Variants in CSRNP2 observed in about 807,000 individuals in gnomAD.
The protein encoded by CSRNP2 is cysteine/serine-rich nuclear protein 2.
In CSRNP2, 11 loss-of-function variants were observed where a neutral mutation model predicts 36.6. That is an observed-to-expected ratio of 0.30 (90% CI 0.19 to 0.50). CSRNP2 has a LOEUF of 0.50. CSRNP2 is among the 20% of genes least tolerant of loss of function. The pLI, the probability that CSRNP2 is intolerant of heterozygous loss-of-function variation, is 0.98. For missense variants in CSRNP2, 483 were observed against 691.4 expected (o/e 0.70, Z 3.38); for synonymous variants, 248 against 275.3 (o/e 0.90, Z 0.98).
At chr12:51,066,359 A>G (rs993180976) in intron 4 of CSRNP2, among the ~76,000 whole-genome samples, 4 of 151,294 alleles carry the variant, frequency 2.6e-5, no homozygotes, top group Middle Eastern at 3.4e-3. Context: ...AGGCTGAGGC[A>G]GGAGAATTGC....
In CSRNP2 at chr12:51,066,713, G is replaced by A. The variant is rs1405844284; in HGVS notation, c.708+960C>T. 2.6e-5 allele frequency among the ~76,000 whole-genome samples: 4 copies of A among 151,810 alleles called. No homozygotes were observed. In the East Asian group the frequency reaches 7.7e-4, roughly 29 times the overall value. ...ATAACTATGGTTTTAAGCTCTGCTA[G>A]GCCAGGTCTGATCCTGAATTATAAA... On this transcript the variant is annotated intron_variant, in intron 4 of 4. Transcript: ENST00000228515.
At position 51,064,247 on chromosome 12, in the gene CSRNP2, G is replaced by A. The variant is rs192679086; in HGVS notation, c.1131C>T (p.Ala377=). The A allele has an allele frequency of 5.0e-6, 8 of 1,613,382 alleles. 1 individual carries two copies. The East Asian group carries it at 1.6e-4, about 31-fold the overall frequency. ...VPEELCPGLT[A]PILIQAQLPP... ...GCAGCTGAGCCTGGATGAGAATGGG[G>A]GCTGTAAGGCCTGGGCACAGCTCTT... The change falls in exon 5 of 5, where the codon GCC becomes GCT. Residue 377 remains alanine, a synonymous_variant. Coordinates refer to ENST00000228515, the MANE Select transcript of CSRNP2 (RefSeq NM_030809.3).
At chr12:51,074,537 C>T (rs193123033) in intron 2 of CSRNP2, among the ~76,000 whole-genome samples, 17 of 152,150 alleles carry the variant, frequency 1.1e-4, no homozygotes, top group African/African-American at 3.6e-4. Context: ...TGTCTAATAT[C>T]TTCAAATCCT....
At chr12:51,069,264 C>A (rs113826262) in intron 3 of CSRNP2, among the ~76,000 whole-genome samples, 3 of 150,812 alleles carry the variant, frequency 2.0e-5, no homozygotes, top group African/African-American at 7.3e-5. Context: ...CATGAGCCAC[C>A]GTGCCCGGCT....
rs1205957144 is a variant in CSRNP2 at position 51,064,008 on chromosome 12, G to C, written c.1370C>G (p.Thr457Ser). 1.4e-5 allele frequency: 23 copies of C among 1,614,100 alleles called. No individual in the cohort carries two copies. The East Asian group carries it at 4.7e-4, about 33-fold the overall frequency. Residue 457 changes from threonine to serine, a missense_variant, in exon 5 of 5, where the codon ACC becomes AGC. By Grantham distance (58) the Thr-to-Ser change is moderately conservative (BLOSUM62 1). This residue lies in a region of CSRNP2 where 277 missense variants were observed against 323.6 expected (regional missense o/e 0.86). Transcript: ENST00000228515. The stretch of plus-strand genomic sequence containing the variant: ...TGTGGAGCTACAAGCCACGAGTGAG[G>C]TAACAGGGAGAGAGAAGACATTCAG... ...KDLNVFSLPVTSLVACSSTDP... is the reference protein window; with the variant it reads ...KDLNVFSLPVSSLVACSSTDP...
chr12:51,066,453 CAAA>C (rs752714917), intron 4 of CSRNP2, among the ~76,000 whole-genome samples: 4 of 78,130 alleles, frequency 5.1e-5, no homozygotes, highest in Admixed American at 1.5e-4. Flanking sequence ...GACTCCGTCT[CAAA>C]AAAAAAAAAA....
At chr12:51,078,286 A>G (rs1470663234) in intron 1 of CSRNP2, among the ~76,000 whole-genome samples, 1 of 152,184 alleles carries the variant, frequency 6.6e-6, no homozygotes, top group Non-Finnish European at 1.5e-5. Flanking sequence ...GTATTTCCTA[A>G]TCTATCCAGA....
rs893974435 is a variant in CSRNP2 at position 51,064,226 on chromosome 12, C to T, written c.1152G>A (p.Gln384=). 3.1e-6 allele frequency: 5 copies of T among 1,613,576 alleles called. No homozygotes were observed. The African/African-American group carries it at 6.7e-5, about 22-fold the overall frequency. ...GLTAPILIQA[Q]LPPGSSVLCF... ...ACAGGACAGAGGAGCCTGGGGGCAG[C>T]TGAGCCTGGATGAGAATGGGGGCTG... Residue 384 remains glutamine (Q), a synonymous_variant, in exon 5 of 5, where the codon CAG becomes CAA. Coordinates refer to ENST00000228515, the MANE Select transcript of CSRNP2 (RefSeq NM_030809.3).
At chr12:51,068,044 C>T in intron 3 of CSRNP2, 75 bp from the exon 4 acceptor site, 2 of 1,417,350 alleles carry the variant, frequency 1.4e-6, no homozygotes, top group Admixed American at 1.8e-5. Flanking sequence ...CCCAGAGCAG[C>T]ACTGTCCCTT....
rs1451939807 is a variant in CSRNP2, at chr12:51,067,550, C to A, written c.708+123G>T. On this transcript the variant is annotated intron_variant, in intron 4 of 4. Transcript: ENST00000228515. This position sits in a 1 kb window ranked among gnomAD's most constrained non-coding sequence, Gnocchi z 4.1. ...CTGTTGACGGAGGAGGGTTGTGGAA[C>A]TGGAGAGTGTTCACAACCATAGGGA... 1.1e-6 allele frequency: 1 copy of A among 890,626 alleles called. No individual in the cohort carries two copies. The highest frequency in any genetic ancestry group is 2.5e-5 in the East Asian group (1 of 40,330). 55.2% of individuals were successfully genotyped at this position (890,626 alleles called of 1,614,324 possible). A position where few individuals can be genotyped will look rare whatever the true frequency, so the allele number is the denominator to read the frequency against.
rs200006906 is a variant in CSRNP2 at position 51,067,922 on chromosome 12, C to T, written c.459G>A (p.Thr153=). Reference sequence around the variant, plus strand: ...TATCTTCATCTGACACATCATCCAGCGTCAGGCCATCAGCCTCCACCGACT... The same window carrying T: ...TATCTTCATCTGACACATCATCCAGTGTCAGGCCATCAGCCTCCACCGACT... ...TVESVEADGL[T]LDDVSDEDID... is the part of the protein sequence containing the mutation. The change falls in exon 4 of 5, where the codon ACG becomes ACA. Residue 153 remains threonine (T), a synonymous_variant. Coordinates refer to ENST00000228515, the MANE Select transcript of CSRNP2 (RefSeq NM_030809.3). This position sits in a 1 kb window ranked among gnomAD's most constrained non-coding sequence, Gnocchi z 4.1. 31 of 1,614,088 alleles carry T rather than the reference C, an allele frequency of 1.9e-5. No homozygotes were observed. In the East Asian group the frequency reaches 4.5e-4, roughly 23 times the overall value.
chr12:51,063,685 G>T lies in CSRNP2; in HGVS notation c.*61C>A. 9 of 1,306,566 alleles carry T rather than the reference G, an allele frequency of 6.9e-6. No homozygotes were observed. The South Asian group carries it at 1.5e-4, about 22-fold the overall frequency. The allele number at this position is 1,306,566 out of a possible 1,614,324, so 80.9% of individuals were successfully genotyped here. A position where few individuals can be genotyped will look rare whatever the true frequency, so the allele number is the denominator to read the frequency against. On this transcript the variant is annotated 3_prime_UTR_variant, in exon 5 of 5. Coordinates refer to ENST00000228515, the MANE Select transcript of CSRNP2 (RefSeq NM_030809.3). ...GCTTCTACAGTTTTGTTTTGAAATGGTGTTAGATAAAATAAGGGAATAAAT... is the reference window on the plus strand; with the variant it reads ...GCTTCTACAGTTTTGTTTTGAAATGTTGTTAGATAAAATAAGGGAATAAAT...
In CSRNP2 at chr12:51,083,572, A is replaced by G. The variant is rs1447282254; in HGVS notation, c.-320T>C. The G allele has an allele frequency of 6.6e-6, 1 of 152,284 alleles. No homozygotes were observed. The highest frequency in any genetic ancestry group is 1.5e-5 in the Non-Finnish European group (1 of 68,084). 9.4% of individuals were successfully genotyped at this position (152,284 alleles called of 1,614,324 possible). On this transcript the variant is annotated 5_prime_UTR_variant, in exon 1 of 5. Transcript: ENST00000228515. ...GGCGCCCCCGGCAGCAGACGCCCAG[A>G]ACCGCCCCGGCTCCGGCTAACAATA...
At chr12:51,077,282 G>A (rs555336071) in intron 1 of CSRNP2, among the ~76,000 whole-genome samples, 108 of 152,166 alleles carry the variant, frequency 7.1e-4, no homozygotes, top group Non-Finnish European at 1.4e-3. Flanking sequence ...ATACAGCCCG[G>A]CATTTCCCAA....
intron 4 of CSRNP2, among the ~76,000 whole-genome samples, chr12:51,066,780 G>T (rs1938410163): frequency 6.6e-6 from 1 of 152,170 alleles, no homozygotes; most frequent in Non-Finnish European, 1.5e-5. Flanking sequence ...TGGAGTAGAG[G>T]TACTGAACAA....
At chr12:51,075,393 T>C (rs1331833076) in intron 2 of CSRNP2, among the ~76,000 whole-genome samples, 1 of 152,174 alleles carries the variant, frequency 6.6e-6, no homozygotes, top group Non-Finnish European at 1.5e-5. Flanking sequence ...ATTACAGGCG[T>C]GAGCCACTGC....
chr12:51,076,641 T>G lies in CSRNP2; in HGVS notation c.-80A>C, dbSNP rs1939414049. 1.3e-6 allele frequency: 2 copies of G among 1,531,514 alleles called. No individual in the cohort carries two copies. The highest frequency in any genetic ancestry group is 2.7e-5 in the African/African-American group (2 of 73,180). The allele number at this position is 1,531,514 out of a possible 1,614,324, so 94.9% of individuals were successfully genotyped here. Reference sequence around the variant, plus strand: ...CTCACCACCAGCTAGCCAGGTACATTAGGATTCTGCCCAGGGAAAAAAAGG... The same window carrying G: ...CTCACCACCAGCTAGCCAGGTACATGAGGATTCTGCCCAGGGAAAAAAAGG... On this transcript the variant is annotated 5_prime_UTR_variant, in exon 2 of 5. Coordinates refer to ENST00000228515, the MANE Select transcript of CSRNP2 (RefSeq NM_030809.3).
rs755260513 is a variant in CSRNP2 at position 51,064,099 on chromosome 12, C to T, written c.1279G>A (p.Val427Ile). 6.2e-7 allele frequency: 1 copy of T among 1,614,088 alleles called. No individual in the cohort carries two copies. Among genetic ancestry groups the T allele is most frequent in the Non-Finnish European group, 8.5e-7 (1 of 1,180,038 alleles). The part of the protein sequence containing the change: ...LVYYQVEQRP[V>I]LGVKGEPGTE... ...CCAGGCTCTCCTTTCACTCCCAAGA[C>T]TGGCCTCTGCTCCACTTGATAATAG... is the stretch of plus-strand genomic sequence containing the variant. The change falls in exon 5 of 5, where the codon GTC becomes ATC. Residue 427 changes from valine (V) to isoleucine (I), a missense_variant. Val to Ile is a conservative substitution (Grantham distance 29). Around this residue, in one of 2 missense-constraint regions of CSRNP2, gnomAD observed 277 missense variants for 323.6 expected, o/e 0.86. Coordinates refer to ENST00000228515, the MANE Select transcript of CSRNP2 (RefSeq NM_030809.3).
rs1384515623 is a variant in CSRNP2, at chr12:51,062,713, G to A, written c.*1033C>T. The A allele has an allele frequency of 6.6e-6, 1 of 152,192 alleles. No individual in the cohort carries two copies. Among genetic ancestry groups the A allele is most frequent in the African/African-American group, 2.4e-5 (1 of 41,436 alleles). 9.4% of individuals were successfully genotyped at this position (152,192 alleles called of 1,614,324 possible). A position where few individuals can be genotyped will look rare whatever the true frequency, so the allele number is the denominator to read the frequency against. ...TATGTTGAAAACGACCATGAGGGTA[G>A]ATCCAGGAAAAAAGAACAAAAACTG... On this transcript the variant is annotated 3_prime_UTR_variant, in exon 5 of 5. Coordinates refer to ENST00000228515, the MANE Select transcript of CSRNP2 (RefSeq NM_030809.3).
Sources: allele counts gnomAD v4.1 joint callset (sites outside exome capture counted in the v4.1 genomes callset), GRCh38; gene constraint gnomAD v4.1.1; regional missense constraint gnomAD v4.1.1; non-coding constraint Gnocchi (gnomAD v3.1); transcripts MANE v1.5; gene names NCBI Gene and HGNC (gene_info 2026-07-23, HGNC 2026-07-21).